Variants in STAG2 observed in about 807,000 individuals in gnomAD.
The protein encoded by STAG2 is STAG2 cohesin complex component, also known as cohesin subunit SA-2.
A neutral mutation model predicts 108.1 loss-of-function variants in STAG2; 14 were observed. The observed-to-expected ratio is 0.13, with a 90% confidence interval of 0.09 to 0.20. STAG2 has a LOEUF of 0.20. Ranked by LOEUF, STAG2 falls within the 10% of genes least tolerant of loss-of-function variation. STAG2 has a pLI of 1.00. For synonymous variants in STAG2, 307 were observed against 302.7 expected (o/e 1.01, Z -0.15); for missense variants, 440 against 940.9 (o/e 0.47, Z 6.96).
intron 13 of STAG2, among the ~76,000 whole-genome samples, chrX:124,051,721 G>T (rs545599563): frequency 9.1e-5 from 10 of 110,266 alleles, no homozygotes; most frequent in Middle Eastern, 4.6e-3. Context: ...CTCCCGAGTA[G>T]CTGGGACTAC....
At chrX:124,021,644 G>A (rs770356022) in intron 2 of STAG2, among the ~76,000 whole-genome samples, 2 of 111,775 alleles carry the variant, frequency 1.8e-5, no homozygotes, top group African/African-American at 3.3e-5. Context: ...TAAATTGATC[G>A]TAAGTTCCTT....
At position 124,063,209 on chromosome X, in the gene STAG2, AG is replaced by A. The variant is rs762854290; in HGVS notation, c.1821+5del. ...TACCACTGGACGATTAGAAAAGGTAAGATTATTTTGTGTAAAAAAAACCTTT... is the reference window on the plus strand; with the variant it reads ...TACCACTGGACGATTAGAAAAGGTAAATTATTTTGTGTAAAAAAAACCTTT... On this transcript the variant is annotated splice_donor_5th_base_variant and intron_variant, in intron 19 of 34. Transcript: ENST00000371145. The A allele has an allele frequency of 7.7e-6, 9 of 1,163,426 alleles. No individual in the cohort carries two copies. Among genetic ancestry groups the A allele is most frequent in the Non-Finnish European group, 1.0e-5 (9 of 862,229 alleles).
At chrX:124,079,199 C>T (rs2058885178) in intron 27 of STAG2, among the ~76,000 whole-genome samples, 1 of 104,836 alleles carries the variant, frequency 9.5e-6, no homozygotes, top group African/African-American at 3.5e-5. Context: ...AGTGCAGTGG[C>T]GTGATCTTGG....
chrX:124,023,554 G>A (rs745424160), intron 3 of STAG2, among the ~76,000 whole-genome samples: 1 of 111,424 alleles, frequency 9.0e-6, no homozygotes, highest in African/African-American at 3.3e-5. Context: ...AGGATTTTAT[G>A]TATTCTAAGT....
chrX:124,099,383 T>C (rs1246552862), intron 34 of STAG2, among the ~76,000 whole-genome samples: 1 of 111,219 alleles, frequency 9.0e-6, no homozygotes, highest in East Asian at 2.8e-4. Context: ...TCTCGGTCTT[T>C]TTGGTGGAAA....
chrX:124,026,569 T>C, intron 4 of STAG2: 1 of 273,086 alleles, frequency 3.7e-6, no homozygotes. Flanking sequence ...GTTCAGCATT[T>C]GTTTTTCAAA....
chrX:124,017,330 C>T (rs1248068430), intron 1 of STAG2, among the ~76,000 whole-genome samples: 1 of 110,083 alleles, frequency 9.1e-6, no homozygotes, highest in Non-Finnish European at 1.9e-5. Context: ...CTGCCTCAGC[C>T]TCCCGAGTAG....
intron 5 of STAG2, among the ~76,000 whole-genome samples, chrX:124,031,817 G>A (rs1057467591): frequency 1.3e-4 from 14 of 106,330 alleles, no homozygotes; most frequent in Admixed American, 2.0e-4. Context: ...TGCAACCTCC[G>A]CCTCCTGGGT....
chrX:124,085,567 G>A (rs2059079341), intron 29 of STAG2, among the ~76,000 whole-genome samples: 1 of 110,325 alleles, frequency 9.1e-6, no homozygotes, highest in African/African-American at 3.3e-5. Context: ...GGCGGGCAGA[G>A]AGTTCGAGAG....
At chrX:124,055,497 A>T (rs1359489417) in intron 13 of STAG2, among the ~76,000 whole-genome samples, 1 of 112,843 alleles carries the variant, frequency 8.9e-6, no homozygotes, top group Non-Finnish European at 1.9e-5. Context: ...GGCCTTAATG[A>T]TGATGATTTA....
chrX:123,978,559 G>T (rs1395061058), intron 1 of STAG2, among the ~76,000 whole-genome samples: 1 of 111,473 alleles, frequency 9.0e-6, no homozygotes, highest in East Asian at 2.8e-4. Context: ...AATTTTAGGA[G>T]ATAGCAGAGG....
chrX:123,992,007 C>A (rs2055506287), intron 1 of STAG2, among the ~76,000 whole-genome samples: 1 of 112,650 alleles, frequency 8.9e-6, no homozygotes, highest in South Asian at 3.6e-4. Context: ...TTTGCTATTA[C>A]AAGTAATCTA....
intron 1 of STAG2, among the ~76,000 whole-genome samples, chrX:123,966,806 T>G (rs200193779): frequency 8.9e-6 from 1 of 112,129 alleles, no homozygotes; most frequent in Non-Finnish European, 1.9e-5. Flanking sequence ...TTTTAATGTG[T>G]GCTTGCTATA....
chrX:124,017,907 A>G (rs1253931031), intron 1 of STAG2, among the ~76,000 whole-genome samples: 1 of 112,172 alleles, frequency 8.9e-6, no homozygotes, highest in Non-Finnish European at 1.9e-5. Flanking sequence ...TAACGCGATC[A>G]TCTGTTACTT....
chrX:124,035,134 A>C (rs1297192870), intron 5 of STAG2, among the ~76,000 whole-genome samples: 1 of 110,640 alleles, frequency 9.0e-6, no homozygotes, highest in Non-Finnish European at 1.9e-5. Flanking sequence ...CAGTAATTAT[A>C]AGTGATAGTC....
chrX:124,053,454 A>AT (rs1027914833), intron 13 of STAG2, among the ~76,000 whole-genome samples: 154 of 106,005 alleles, frequency 1.5e-3, no homozygotes, highest in South Asian at 0.011. Flanking sequence ...AGGCAAAGGA[A>AT]TTTTTTTTTT....
intron 34 of STAG2, among the ~76,000 whole-genome samples, chrX:124,100,223 A>T (rs768743269): frequency 8.5e-4 from 95 of 111,654 alleles, no homozygotes; most frequent in Non-Finnish European, 1.9e-4. Context: ...TGTGCCAGAA[A>T]TATATGTGAA....
chrX:123,974,577 C>CTTT (rs778065126), intron 1 of STAG2, among the ~76,000 whole-genome samples: 2 of 85,234 alleles, frequency 2.3e-5, no homozygotes, highest in Non-Finnish European at 4.6e-5. Context: ...TTGATACCTT[C>CTTT]TTTTTTTTTT....
Position 124,037,598 on chromosome X carries a change from T to C in STAG2, c.360T>C (p.Phe120=), listed in dbSNP as rs199921026. ...TAGCACTTCTTGACCTTATCAACTT[T>C]TTTATTCAGTGTTCAGGCTGTAAAG... ...RDIALLDLIN[F]FIQCSGCKGV... is the part of the protein sequence containing the mutation. The change falls in exon 6 of 35, where the codon TTT becomes TTC. Residue 120 remains phenylalanine (F), a synonymous_variant. Coordinates refer to ENST00000371145, the MANE Select transcript of STAG2 (RefSeq NM_001042750.2). 1 of 1,182,850 alleles carries C rather than the reference T, an allele frequency of 8.5e-7. No individual in the cohort carries two copies. The highest frequency in any genetic ancestry group is 1.1e-6 in the Non-Finnish European group (1 of 876,107).
Sources: allele counts gnomAD v4.1 joint callset (sites outside exome capture counted in the v4.1 genomes callset), GRCh38; gene constraint gnomAD v4.1.1; transcripts MANE v1.5; gene names NCBI Gene and HGNC (gene_info 2026-07-23, HGNC 2026-07-21).